LGR6: variants seen among roughly 807,000 people sequenced by gnomAD.
The protein encoded by LGR6 is leucine rich repeat containing G protein-coupled receptor 6.
In LGR6, 45 loss-of-function variants were observed where a neutral mutation model predicts 69.4. That is an observed-to-expected ratio of 0.65 (90% CI 0.51 to 0.83). LGR6 has a LOEUF of 0.83. Among genes scored for constraint, LGR6 ranks in the 40% least tolerant of loss-of-function variants. The pLI, the probability that LGR6 is intolerant of heterozygous loss-of-function variation, is 0.00. For missense variants in LGR6, 1,108 were observed against 1,246.7 expected, an observed-to-expected ratio of 0.89 and a Z score of 1.68; for synonymous variants, 538 against 555.0, an observed-to-expected ratio of 0.97 and a Z score of 0.43.
intron 4 of LGR6, among the ~76,000 whole-genome samples, chr1:202,251,815 G>A (rs1479008227): frequency 1.3e-5 from 2 of 152,170 alleles, no homozygotes; most frequent in Non-Finnish European, 2.9e-5. Context: ...TCTGGAGTGT[G>A]GGGGGCTGGA....
chr1:202,280,606 G>A (rs1665927562), intron 5 of LGR6, among the ~76,000 whole-genome samples, 175 bp from the exon 6 acceptor site: 1 of 152,088 alleles, frequency 6.6e-6, no homozygotes, highest in Admixed American at 6.5e-5. Flanking sequence ...GGAGATTGTG[G>A]CTTCAGAAGT....
Position 202,318,082 on chromosome 1 carries a change from C to A in LGR6, c.1779C>A (p.Pro593=), listed in dbSNP as rs938810105. The stretch of plus-strand genomic sequence containing the variant: ...CCGTGTTCGCTGGCGGGCCTGTCCC[C>A]CTGCCCCCGGTCAAGTTTGTGGTAG... The part of the protein sequence containing the change: ...LLTVFAGGPV[P]LPPVKFVVGA... The change falls in exon 18 of 18, where the codon CCC becomes CCA. Residue 593 remains proline (P), a synonymous_variant. Transcript: ENST00000367278. The A allele has an allele frequency of 8.1e-6, 13 of 1,614,196 alleles. No homozygotes were observed. Among genetic ancestry groups the A allele is most frequent in the African/African-American group, 1.3e-5 (1 of 75,076 alleles).
chr1:202,206,020 G>GC (rs1433991268), intron 1 of LGR6, among the ~76,000 whole-genome samples: 1 of 127,430 alleles, frequency 7.8e-6, no homozygotes, highest in Non-Finnish European at 1.8e-5. Context: ...TGCAGGGGGC[G>GC]CTCAGGACAG....
At chr1:202,253,693 A>G (rs1240101899) in intron 4 of LGR6, among the ~76,000 whole-genome samples, 33 of 130,984 alleles carry the variant, frequency 2.5e-4, no homozygotes, top group African/African-American at 9.5e-4. Flanking sequence ...CAGTGGCCCA[A>G]TCTCAGCTCA....
At chr1:202,204,010 C>G in intron 1 of LGR6, 1 of 684,714 alleles carries the variant, frequency 1.5e-6, no homozygotes, top group Non-Finnish European at 2.7e-6. Flanking sequence ...CCCCATCTGT[C>G]TGTATGTTTG....
intron 4 of LGR6, among the ~76,000 whole-genome samples, chr1:202,256,723 G>T (rs1663805636): frequency 6.6e-6 from 1 of 152,130 alleles, no homozygotes; most frequent in Admixed American, 6.5e-5. Context: ...GTTATCCTGG[G>T]TATCTAACTA....
intron 17 of LGR6, 142 bp from the exon 18 acceptor site, chr1:202,317,810 T>G (rs1332387407): frequency 2.4e-6 from 2 of 823,458 alleles, no homozygotes; most frequent in Non-Finnish European, 3.7e-6. Flanking sequence ...CAGCCTCCCT[T>G]AGACTGGGAG....
chr1:202,197,578 G>A (rs1304933029), intron 1 of LGR6: 1 of 407,116 alleles, frequency 2.5e-6, no homozygotes, highest in Admixed American at 3.6e-5. Context: ...TGACGAGAAG[G>A]CATGATGCCT....
intron 5 of LGR6, among the ~76,000 whole-genome samples, chr1:202,277,915 G>A (rs955880818): frequency 6.6e-6 from 1 of 151,792 alleles, no homozygotes; most frequent in African/African-American, 2.4e-5. Flanking sequence ...GACATTCCAA[G>A]CAGATAGCAA....
chr1:202,258,800 CCTGT>C (rs1663994893), intron 4 of LGR6, among the ~76,000 whole-genome samples: 2 of 151,914 alleles, frequency 1.3e-5, no homozygotes, highest in Non-Finnish European at 2.9e-5. Context: ...ATTTCTGTTT[CCTGT>C]CTTATGCGTT....
At chr1:202,208,593 T>C (rs560704160) in intron 1 of LGR6, among the ~76,000 whole-genome samples, 227 of 150,642 alleles carry the variant, frequency 1.5e-3, no homozygotes, top group Non-Finnish European at 2.7e-3. Flanking sequence ...AGGCCCCCCA[T>C]TAACTATGTG....
intron 9 of LGR6, 39 bp from the exon 10 acceptor site, chr1:202,303,240 C>G (rs1314550611): frequency 2.0e-6 from 3 of 1,511,484 alleles, no homozygotes; most frequent in South Asian, 1.1e-5. Flanking sequence ...TTGAGATGCT[C>G]TGACCCCACC....
intron 6 of LGR6, among the ~76,000 whole-genome samples, chr1:202,290,074 G>C (rs1017160424): frequency 6.6e-6 from 1 of 152,226 alleles, no homozygotes; most frequent in African/African-American, 2.4e-5. Flanking sequence ...GAATGAAAGT[G>C]TCTGTTCTAG....
Position 202,310,424 on chromosome 1 carries a change from T to C in LGR6, c.1567+67T>C, listed in dbSNP as rs1204742774. The C allele has an allele frequency of 8.8e-6, 13 of 1,485,340 alleles. No homozygotes were observed. In the Admixed American group the frequency reaches 1.3e-4, roughly 15 times the overall value. The allele number at this position is 1,485,340 out of a possible 1,614,324, so 92.0% of individuals were successfully genotyped here. On this transcript the variant is annotated intron_variant, in intron 16 of 17. Transcript: ENST00000367278. Reference sequence around the variant, plus strand: ...GTGGAGAGGAAGTTAGAGGGGATGCTTGGGGGACCTGAGAGGGAATCTGAC... The same window carrying C: ...GTGGAGAGGAAGTTAGAGGGGATGCCTGGGGGACCTGAGAGGGAATCTGAC...
In LGR6 at chr1:202,318,459, C is replaced by T. The variant is rs750084853; in HGVS notation, c.2156C>T (p.Pro719Leu). 3.7e-6 allele frequency: 6 copies of T among 1,613,334 alleles called. No homozygotes were observed. Among genetic ancestry groups the T allele is most frequent in the Non-Finnish European group, 2.5e-6 (3 of 1,179,832 alleles). ...GEYGASPLCL[P>L]YAPPEGQPAA... The stretch of plus-strand genomic sequence containing the variant: ...TACGGGGCCTCCCCACTCTGCCTGC[C>T]CTACGCGCCACCTGAGGGTCAGCCA... The change falls in exon 18 of 18, where the codon CCC becomes CTC. Residue 719 changes from proline to leucine, a missense_variant. Physicochemically the swap from Pro to Leu is moderately conservative, Grantham distance 98. Coordinates refer to ENST00000367278, the MANE Select transcript of LGR6 (RefSeq NM_001017403.2).
chr1:202,286,500 G>A (rs372921048), intron 6 of LGR6, among the ~76,000 whole-genome samples: 2 of 152,176 alleles, frequency 1.3e-5, no homozygotes, highest in African/African-American at 4.8e-5. Context: ...GGGAAACTGA[G>A]ACAGAAGGTG....
chr1:202,298,209 G>A (rs1467401579), intron 7 of LGR6, among the ~76,000 whole-genome samples: 1 of 152,208 alleles, frequency 6.6e-6, no homozygotes, highest in Non-Finnish European at 1.5e-5. Context: ...CAGAGTATTA[G>A]CTAAAACAGC....
At chr1:202,238,705 G>C (rs552272466) in intron 4 of LGR6, among the ~76,000 whole-genome samples, 1 of 151,350 alleles carries the variant, frequency 6.6e-6, no homozygotes, top group Non-Finnish European at 1.5e-5. Flanking sequence ...TTACAGGCGT[G>C]AGCCATGGGG....
chr1:202,304,681 T>C, intron 11 of LGR6, 51 bp downstream of exon 11: 2 of 1,462,386 alleles, frequency 1.4e-6, no homozygotes, highest in Non-Finnish European at 1.9e-6. Flanking sequence ...CCTACCCCCA[T>C]GTCCCACAAA....
Sources: allele counts gnomAD v4.1 joint callset (sites outside exome capture counted in the v4.1 genomes callset), GRCh38; gene constraint gnomAD v4.1.1; transcripts MANE v1.5; gene names NCBI Gene and HGNC (gene_info 2026-07-23, HGNC 2026-07-21).